The following NPIPA5 variants were observed in gnomAD, a reference collection of about 807,000 sequenced individuals.
NPIPA5 encodes the protein nuclear pore complex interacting protein family member A5, also known as nuclear pore complex-interacting protein family member A5.
Under a neutral mutation model 21.4 loss-of-function variants are expected in NPIPA5, and 6 were observed. The ratio of observed to expected loss-of-function variants is 0.28; its 90% CI spans 0.15 to 0.55. The LOEUF is 0.55. Ranked by LOEUF, NPIPA5 falls within the 20% of genes least tolerant of loss-of-function variation. NPIPA5 has a pLI of 0.93. For missense variants in NPIPA5, 99 were observed against 318.2 expected (o/e 0.31, Z 5.24); for synonymous variants, 33 against 115.3 (o/e 0.29, Z 4.57).
At chr16:15,367,210 A>T (rs1212845722) in intron 4 of NPIPA5, among the ~76,000 whole-genome samples, 1 of 152,142 alleles carries the variant, frequency 6.6e-6, no homozygotes, top group African/African-American at 2.4e-5. Flanking sequence ...ACTGATTCTC[A>T]GTCAGAGGCT....
chr16:15,375,382 T>A (rs1364716205), intron 1 of NPIPA5, among the ~76,000 whole-genome samples: 3 of 87,100 alleles, frequency 3.4e-5, no homozygotes, highest in African/African-American at 3.7e-5. Flanking sequence ...TCAGCATAAG[T>A]AAAAAAAAAA....
rs1417541117 is a variant in NPIPA5 at position 15,370,527 on chromosome 16, G to A, written c.193-408C>T. ...AGTACTTTGGGAGGCCGAGGCAGGC[G>A]GAACACCTGAGGTCGGGAGTTTGAG... On this transcript the variant is annotated intron_variant, in intron 2 of 7. Transcript: ENST00000360151. Among the ~76,000 whole-genome samples the A allele has an allele frequency of 4.1e-5, 6 of 146,938 alleles. 1 individual carries two copies. The highest frequency in any genetic ancestry group is 1.4e-4 in the Admixed American group (2 of 13,824).
chr16:15,369,442 C>T (rs1316768499), intron 4 of NPIPA5, among the ~76,000 whole-genome samples: 3 of 150,246 alleles, frequency 2.0e-5, no homozygotes, highest in Admixed American at 6.6e-5. Context: ...AGCAAAGCTC[C>T]GTCTCAGGAA....
At position 15,372,479 on chromosome 16, in the gene NPIPA5, C is replaced by G. The variant is rs1273067000; in HGVS notation, c.192+1236G>C. Among the ~76,000 whole-genome samples the G allele has an allele frequency of 3.4e-4, 50 of 145,540 alleles. 2 individuals are homozygous for G. The highest frequency in any genetic ancestry group is 1.0e-3 in the African/African-American group (40 of 39,792). On this transcript the variant is annotated intron_variant, in intron 2 of 7. Transcript: ENST00000360151. Reference sequence around the variant, plus strand: ...CAGCCTGGGCAACAGAGGGAGACTCCTCTTGGGGGTGAGAAAAGAAAAAAA... The same window carrying G: ...CAGCCTGGGCAACAGAGGGAGACTCGTCTTGGGGGTGAGAAAAGAAAAAAA...
At chr16:15,380,425 C>T (rs117053180), upstream of NPIPA5, among the ~76,000 whole-genome samples, 2,091 of 151,872 alleles carry the variant, frequency 0.014, 24 homozygotes, top group Non-Finnish European at 0.017. Context: ...TGAATTTCAG[C>T]AATTCTCCTG....
At chr16:15,379,729 C>T (rs867353871), upstream of NPIPA5, among the ~76,000 whole-genome samples, 6 of 151,948 alleles carry the variant, frequency 3.9e-5, no homozygotes, top group African/African-American at 9.7e-5. Context: ...AGGCGGATCA[C>T]GAGGTTAGGG....
upstream of NPIPA5, among the ~76,000 whole-genome samples, chr16:15,379,140 G>C (rs4013426): frequency 3.7e-3 from 560 of 150,554 alleles, 5 homozygotes; most frequent in East Asian, 0.036. Flanking sequence ...CAGCTGAAAA[G>C]CACTGCTTTA....
intron 1 of NPIPA5, among the ~76,000 whole-genome samples, chr16:15,375,844 T>A (rs1237667580): frequency 6.6e-6 from 1 of 151,924 alleles, no homozygotes; most frequent in Non-Finnish European, 1.5e-5. Context: ...TAGACTCTTA[T>A]GTGAGTGAAG....
chr16:15,368,305 C>T (rs1178679984), intron 4 of NPIPA5, among the ~76,000 whole-genome samples: 1 of 151,496 alleles, frequency 6.6e-6, no homozygotes, highest in Non-Finnish European at 1.5e-5. Flanking sequence ...AGGAAATACC[C>T]TGGCCTTTGT....
chr16:15,367,086 G>T (rs1387237072), intron 4 of NPIPA5, among the ~76,000 whole-genome samples: 3 of 152,070 alleles, frequency 2.0e-5, no homozygotes, highest in African/African-American at 7.3e-5. Context: ...TCTTGTGCTT[G>T]ACACAGCAAA....
At chr16:15,370,517 C>T (rs1200942760) in intron 2 of NPIPA5, among the ~76,000 whole-genome samples, 1 of 146,616 alleles carries the variant, frequency 6.8e-6, no homozygotes. Flanking sequence ...TTTGGGAGGC[C>T]GAGGCAGGCG....
At chr16:15,380,854 C>A (rs369592779), upstream of NPIPA5, 1 of 650,078 alleles carries the variant, frequency 1.5e-6, no homozygotes, top group South Asian at 2.0e-5. Context: ...GCATCACCCG[C>A]TATGAGATGT....
At chr16:15,376,092 G>A (rs575259198) in intron 1 of NPIPA5, among the ~76,000 whole-genome samples, 1 of 152,242 alleles carries the variant, frequency 6.6e-6, no homozygotes, top group Admixed American at 6.5e-5. Flanking sequence ...ATACGGTGTT[G>A]AGCAGAATAA....
intron 4 of NPIPA5, among the ~76,000 whole-genome samples, chr16:15,369,408 T>A (rs1428376731): frequency 1.3e-5 from 2 of 150,464 alleles, no homozygotes; most frequent in Non-Finnish European, 1.5e-5. Context: ...GATTGTGCCA[T>A]TGCACTACGG....
At chr16:15,369,228 G>C (rs967275878) in intron 4 of NPIPA5, among the ~76,000 whole-genome samples, 2 of 148,838 alleles carry the variant, frequency 1.3e-5, no homozygotes, top group African/African-American at 4.9e-5. Context: ...GGCTGAGGCG[G>C]GTGGATTACC....
Position 15,370,156 on chromosome 16 carries a change from G to A in NPIPA5, c.193-37C>T, listed in dbSNP as rs148052349. ...TAATATAAGAATGACGGCTAGGCAC[G>A]GTGGCTCATGCGTATAATCCCAGTA... On this transcript the variant is annotated intron_variant, in intron 2 of 7. Coordinates refer to ENST00000360151, the MANE Select transcript of NPIPA5 (RefSeq NM_001277325.2). 7.6e-3 allele frequency: 11,960 copies of A among 1,570,460 alleles called. 781 individuals carry two copies. Among genetic ancestry groups the A allele is most frequent in the Non-Finnish European group, 9.4e-3 (11,001 of 1,165,978 alleles).
At chr16:15,367,132 AC>A (rs1428794662) in intron 4 of NPIPA5, among the ~76,000 whole-genome samples, 5 of 152,218 alleles carry the variant, frequency 3.3e-5, no homozygotes, top group African/African-American at 1.2e-4. Flanking sequence ...ACCAGACCTC[AC>A]CAATTCATCA....
chr16:15,371,904 G>C (rs1053332893), intron 2 of NPIPA5, among the ~76,000 whole-genome samples: 1 of 145,246 alleles, frequency 6.9e-6, no homozygotes, highest in Non-Finnish European at 1.5e-5. Context: ...GAGAAGCAAT[G>C]GGTAATCTAA....
At chr16:15,369,292 G>A (rs1049039431) in intron 4 of NPIPA5, among the ~76,000 whole-genome samples, 1 of 148,558 alleles carries the variant, frequency 6.7e-6, no homozygotes, top group African/African-American at 2.5e-5. Flanking sequence ...CCCATCTCTA[G>A]TAAAAATACA....
Sources: allele counts gnomAD v4.1 joint callset (sites outside exome capture counted in the v4.1 genomes callset), GRCh38; gene constraint gnomAD v4.1.1; transcripts MANE v1.5; gene names NCBI Gene and HGNC (gene_info 2026-07-23, HGNC 2026-07-21).